FOXK2: variants seen among roughly 807,000 people sequenced by gnomAD.
The protein encoded by FOXK2 is forkhead box protein K2.
FOXK2 carries 24 observed loss-of-function variants against 53.3 expected under a neutral mutation model. The observed-to-expected ratio is 0.45, with a 90% CI of 0.33 to 0.63. The LOEUF (loss-of-function observed/expected upper bound fraction) is 0.63. FOXK2 is among the 30% of genes least tolerant of loss of function. The pLI is 0.03. For synonymous variants in FOXK2, 505 were observed against 407.1 expected (o/e 1.24, Z -2.89); for missense variants, 952 against 910.5 (o/e 1.05, Z -0.59).
intron 8 of FOXK2, chr17:82,599,570 A>T (rs1035247431): frequency 5.3e-5 from 8 of 152,104 alleles, no homozygotes; most frequent in Non-Finnish European, 4.4e-5. Flanking sequence ...GAATTCTAAA[A>T]CGGGGCTCTC....
chr17:82,593,549 T>G (rs1233473715), intron 8 of FOXK2: 1 of 152,148 alleles, frequency 6.6e-6, no homozygotes, highest in African/African-American at 2.4e-5. Context: ...CCTGGGAGAG[T>G]GTGGGCCTTC....
intron 1 of FOXK2, among the ~76,000 whole-genome samples, chr17:82,554,083 C>T (rs549414244): frequency 4.6e-5 from 7 of 152,228 alleles, no homozygotes; most frequent in South Asian, 4.2e-4. Flanking sequence ...CCGCCCACCT[C>T]GGCCTCCCAA....
chr17:82,529,452 C>T (rs1316391459), intron 1 of FOXK2, among the ~76,000 whole-genome samples: 4 of 150,078 alleles, frequency 2.7e-5, no homozygotes, highest in Admixed American at 1.3e-4. Flanking sequence ...TGCAGTGGCA[C>T]GATCTTGGCT....
intron 8 of FOXK2, chr17:82,601,079 C>G (rs943995646): frequency 6.1e-6 from 3 of 490,012 alleles, no homozygotes; most frequent in African/African-American, 5.8e-5. Flanking sequence ...TTTTGGGGTC[C>G]CAAGGGCCCA....
intron 1 of FOXK2, among the ~76,000 whole-genome samples, chr17:82,562,974 T>C (rs1283630021): frequency 6.6e-6 from 1 of 151,952 alleles, no homozygotes; most frequent in Non-Finnish European, 1.5e-5. Context: ...CCTGGCTAAT[T>C]TTTTGTAGTC....
intron 8 of FOXK2, 31 bp from the exon 9 acceptor site, chr17:82,601,272 G>A (rs779407968): frequency 1.5e-5 from 24 of 1,597,702 alleles, no homozygotes; most frequent in Middle Eastern, 2.3e-4. Flanking sequence ...ACGTGAGAGC[G>A]TGGGGTTCTG....
intron 8 of FOXK2, among the ~76,000 whole-genome samples, chr17:82,591,965 G>C (rs1471747926): frequency 1.3e-5 from 2 of 152,190 alleles, no homozygotes; most frequent in Non-Finnish European, 2.9e-5. Flanking sequence ...GTGCAGTGCC[G>C]AGATCTCAAC....
intron 8 of FOXK2, among the ~76,000 whole-genome samples, chr17:82,596,439 G>A (rs796526389): frequency 2.0e-5 from 3 of 151,586 alleles, no homozygotes; most frequent in Non-Finnish European, 4.4e-5. Context: ...GGTGTAGGGG[G>A]AGCCTCAGAG....
chr17:82,563,420 A>G lies in FOXK2; in HGVS notation c.486A>G (p.Arg162=). The G allele has an allele frequency of 1.2e-6, 2 of 1,614,150 alleles. No homozygotes were observed. The highest frequency in any genetic ancestry group is 1.7e-6 in the Non-Finnish European group (2 of 1,180,032). The change falls in exon 2 of 9, where the codon AGA becomes AGG. Residue 162 remains arginine (R), a synonymous_variant. Transcript: ENST00000335255. Reference sequence around the variant, plus strand: ...TCACTGCCCTGTCCAGCGAGAAGAGAGAGAAGCAGGAGGCGTCTGAGTCTC... The same window carrying G: ...TCACTGCCCTGTCCAGCGAGAAGAGGGAGAAGCAGGAGGCGTCTGAGTCTC... ...ITFTALSSEK[R]EKQEASESPV...
At chr17:82,576,892 G>C in intron 4 of FOXK2, 1 of 467,158 alleles carries the variant, frequency 2.1e-6, no homozygotes, top group Non-Finnish European at 3.9e-6. Flanking sequence ...GGGTGCGGTG[G>C]CTCACGCCTG....
chr17:82,591,496 G>A (rs887197686), intron 8 of FOXK2, among the ~76,000 whole-genome samples: 1 of 152,172 alleles, frequency 6.6e-6, no homozygotes, highest in African/African-American at 2.4e-5. Flanking sequence ...AAGCCGGGAG[G>A]CTTCCTCTTA....
intron 1 of FOXK2, among the ~76,000 whole-genome samples, chr17:82,532,208 G>A (rs1028877967): frequency 6.6e-6 from 1 of 151,492 alleles, no homozygotes; most frequent in Admixed American, 6.6e-5. Flanking sequence ...GCAATGGCGC[G>A]TTCTCGGCTC....
Position 82,571,748 on chromosome 17 carries a change from T to C in FOXK2, c.787T>C (p.Tyr263His), listed in dbSNP as rs1344478381. 1 of 1,581,674 alleles carries C rather than the reference T, an allele frequency of 6.3e-7. No individual in the cohort carries two copies. The highest frequency in any genetic ancestry group is 1.4e-5 in the African/African-American group (1 of 72,592). Reference sequence around the variant, plus strand: ...GGATGATTCAAAGCCGCCTTACTCCTACGCGCAGCTGATAGTTCAGGCGAT... The same window carrying C: ...GGATGATTCAAAGCCGCCTTACTCCCACGCGCAGCTGATAGTTCAGGCGAT... Reference protein sequence around the residue: ...PKDDSKPPYSYAQLIVQAITM... With the variant: ...PKDDSKPPYSHAQLIVQAITM... The change falls in exon 4 of 9, where the codon TAC (tyrosine) becomes CAC (histidine). Residue 263 changes from tyrosine to histidine, a missense_variant. Physicochemically the swap from Tyr to His is moderately conservative, Grantham distance 83. Coordinates refer to ENST00000335255, the MANE Select transcript of FOXK2 (RefSeq NM_004514.4).
chr17:82,581,774 C>T lies in FOXK2; in HGVS notation c.910-967C>T, dbSNP rs182996104. ...ACAGGCGTGAGCCACCATGCCTGGC[C>T]AATTTTTGTATGTTCAGTAGAGACG... On this transcript the variant is annotated intron_variant, in intron 4 of 8. Transcript: ENST00000335255. Among the ~76,000 whole-genome samples, 61 of 152,038 alleles carry T rather than the reference C, an allele frequency of 4.0e-4. No individual in the cohort carries two copies. The East Asian group carries it at 0.011, about 28-fold the overall frequency.
At position 82,533,566 on chromosome 17, in the gene FOXK2, G is replaced by A. The variant is rs1308303033; in HGVS notation, c.419+13259G>A. On this transcript the variant is annotated intron_variant, in intron 1 of 8. Transcript: ENST00000335255. Reference sequence around the variant, plus strand: ...TATTATTAAGTATTACATATTGTACGCGATCGTATGTGCTGTACTTTCATA... The same window carrying A: ...TATTATTAAGTATTACATATTGTACACGATCGTATGTGCTGTACTTTCATA... Among the ~76,000 whole-genome samples, 5 of 152,076 alleles carry A rather than the reference G, an allele frequency of 3.3e-5. No homozygotes were observed. The South Asian group carries it at 6.3e-4, about 19-fold the overall frequency.
chr17:82,567,448 C>T (rs113221823), intron 2 of FOXK2, among the ~76,000 whole-genome samples: 5,203 of 152,272 alleles, frequency 0.034, 293 homozygotes, highest in African/African-American at 0.12. Flanking sequence ...TGTTTGAAAA[C>T]GGGCCTGATT....
chr17:82,598,178 C>T (rs752983543), intron 8 of FOXK2, among the ~76,000 whole-genome samples: 39 of 152,210 alleles, frequency 2.6e-4, no homozygotes, highest in Non-Finnish European at 8.8e-5. Context: ...CTTATTCCTT[C>T]TGTCTAGCTG....
At chr17:82,558,606 A>G (rs1057036032) in intron 1 of FOXK2, among the ~76,000 whole-genome samples, 7 of 152,184 alleles carry the variant, frequency 4.6e-5, no homozygotes, top group Non-Finnish European at 7.3e-5. Flanking sequence ...AATTGTGCAC[A>G]CTGCTGGAGC....
chr17:82,584,241 ACGC>A, intron 6 of FOXK2, 53 bp downstream of exon 6: 5 of 1,489,922 alleles, frequency 3.4e-6, no homozygotes, highest in African/African-American at 1.4e-5. Context: ...CCAGACGCGG[ACGC>A]CTGGGCTCCA....
Sources: gnomAD v4.1 joint callset for allele counts (sites outside exome capture counted in the v4.1 genomes callset) on GRCh38, gnomAD v4.1.1 for gene constraint, MANE v1.5 for transcripts, NCBI Gene and HGNC (gene_info 2026-07-23, HGNC 2026-07-21) for gene names.